The following HIVEP1 variants were observed in gnomAD, a reference collection of about 807,000 sequenced individuals.
The protein encoded by HIVEP1 is zinc finger protein 40.
Under a neutral mutation model 180.0 loss-of-function variants are expected in HIVEP1, and 36 were observed. The ratio of observed to expected loss-of-function variants is 0.20; its 90% confidence interval spans 0.15 to 0.26. HIVEP1 has a LOEUF of 0.26. HIVEP1 is among the 10% of genes least tolerant of loss of function. The probability of loss-of-function intolerance (pLI) is 1.00; values close to 1 mark genes in which losing one functional copy is unlikely to be tolerated. For missense variants in HIVEP1, 3,143 were observed against 3,268.7 expected, an observed-to-expected ratio of 0.96 and a Z score of 0.94; for synonymous variants, 1,239 against 1,239.0, an observed-to-expected ratio of 1.00 and a Z score of 0.00.
chr6:12,047,966 G>GGT (rs1443769241), intron 2 of HIVEP1, among the ~76,000 whole-genome samples: 4 of 152,212 alleles, frequency 2.6e-5, no homozygotes, highest in Non-Finnish European at 5.9e-5. Context: ...CAGTTTGCGT[G>GGT]GTTCTGGCAC....
chr6:12,185,360 C>T, the HIVEP1 span, among the ~76,000 whole-genome samples: 10 of 152,218 alleles, frequency 6.6e-5, no homozygotes, highest in African/African-American at 1.9e-4. Context: ...TGCACGGAAG[C>T]GTAGCTCTAG....
chr6:12,117,952 C>G lies in HIVEP1; in HGVS notation c.95-1938C>G, dbSNP rs185680912. Among the ~76,000 whole-genome samples the G allele has an allele frequency of 3.9e-5, 6 of 152,208 alleles. No homozygotes were observed. The East Asian group carries it at 1.2e-3, about 29-fold the overall frequency. ...CTTGCCTGATAGAGTTAATGAGAGT[C>G]AAAAAGTGCATCACTGACTTTCTTA... On this transcript the variant is annotated intron_variant, in intron 3 of 8. Transcript: ENST00000379388.
At chr6:12,088,250 G>C (rs1374745151) in intron 2 of HIVEP1, among the ~76,000 whole-genome samples, 3 of 152,012 alleles carry the variant, frequency 2.0e-5, no homozygotes, top group Non-Finnish European at 1.5e-5. Flanking sequence ...CTTCTGAGCT[G>C]ATGCGTTTAT....
chr6:12,208,628 G>C, the HIVEP1 span, among the ~76,000 whole-genome samples: 12 of 152,286 alleles, frequency 7.9e-5, no homozygotes, highest in Non-Finnish European at 1.5e-5. Context: ...AGATAATTCA[G>C]TTAAAATGGG....
rs369724526 is a variant in HIVEP1 at position 12,120,204 on chromosome 6, C to G, written c.409C>G (p.Leu137Val). The G allele has an allele frequency of 2.2e-5, 36 of 1,614,080 alleles. No homozygotes were observed. Among genetic ancestry groups the G allele is most frequent in the Non-Finnish European group, 2.9e-5 (34 of 1,180,036 alleles). The change falls in exon 4 of 9, where the codon CTG (leucine) becomes GTG (valine). Residue 137 changes from leucine to valine, a missense_variant. This residue lies in a region of HIVEP1 where 306 missense variants were observed against 310.6 expected (regional missense o/e 0.99). Coordinates refer to ENST00000379388, the MANE Select transcript of HIVEP1 (RefSeq NM_002114.4). The part of the protein sequence containing the change: ...ESVSPKKPLF[L>V]QQPSELRRWR... ...TGTCTCCCCAAAGAAGCCCTTGTTT[C>G]TGCAGCAACCATCTGAACTGCGTAG...
At chr6:12,145,390 G>T (rs1380270747) in intron 7 of HIVEP1, among the ~76,000 whole-genome samples, 1 of 151,894 alleles carries the variant, frequency 6.6e-6, no homozygotes, top group African/African-American at 2.4e-5. Flanking sequence ...CTGGGGGAGG[G>T]ATAGCATTAG....
At chr6:12,126,795 T>C (rs1177893806) in intron 4 of HIVEP1, among the ~76,000 whole-genome samples, 2 of 152,140 alleles carry the variant, frequency 1.3e-5, no homozygotes, top group East Asian at 3.8e-4. Context: ...ACTCCAAAGG[T>C]GGTGATACTT....
the HIVEP1 span, among the ~76,000 whole-genome samples, chr6:12,186,156 G>T: frequency 6.6e-6 from 1 of 151,682 alleles, no homozygotes; most frequent in Admixed American, 6.6e-5. Context: ...TCATCAACTA[G>T]TGATCAGATA....
At chr6:12,160,357 T>G (rs1240120178) in intron 7 of HIVEP1, among the ~76,000 whole-genome samples, 1 of 152,212 alleles carries the variant, frequency 6.6e-6, no homozygotes, top group African/African-American at 2.4e-5. Context: ...AGGAATGGGT[T>G]GAATCATATC....
chr6:12,203,033 T>A, the HIVEP1 span, among the ~76,000 whole-genome samples: 1 of 152,216 alleles, frequency 6.6e-6, no homozygotes, highest in Non-Finnish European at 1.5e-5. Context: ...CATTTTCAGA[T>A]GTTGAATGCA....
intron 5 of HIVEP1, 133 bp from the exon 6 acceptor site, chr6:12,130,634 A>G: frequency 1.9e-6 from 1 of 528,108 alleles, no homozygotes. Flanking sequence ...ATTCTGTTAC[A>G]CATGCATAAA....
rs1009683169 is a variant in HIVEP1, at chr6:12,090,759, T to A, written c.94+1522T>A. ...CCTTTTTTTTTTTTTTTTTTTTTTTTACATCTAGTCATGGTTTAGAGCTGC... is the reference window on the plus strand; with the variant it reads ...CCTTTTTTTTTTTTTTTTTTTTTTTAACATCTAGTCATGGTTTAGAGCTGC... On this transcript the variant is annotated intron_variant, in intron 3 of 8. Transcript: ENST00000379388. 1.2e-4 allele frequency among the ~76,000 whole-genome samples: 16 copies of A among 130,422 alleles called. No individual in the cohort carries two copies. The East Asian group carries it at 1.5e-3, about 12-fold the overall frequency. 85.6% of individuals were successfully genotyped at this position (130,422 alleles called of 152,430 possible). A position where few individuals can be genotyped will look rare whatever the true frequency, so the allele number is the denominator to read the frequency against.
chr6:12,210,065 T>C, the HIVEP1 span, among the ~76,000 whole-genome samples: 4 of 151,704 alleles, frequency 2.6e-5, no homozygotes, highest in African/African-American at 9.7e-5. Context: ...ATCGTGCCAC[T>C]GCACTCCAGT....
the HIVEP1 span, among the ~76,000 whole-genome samples, chr6:12,199,993 G>C: frequency 5.9e-5 from 9 of 152,186 alleles, no homozygotes; most frequent in African/African-American, 1.9e-4. Context: ...TTCTGATTTT[G>C]AAGTCTAGGC....
At chr6:12,202,159 A>G in the HIVEP1 span, among the ~76,000 whole-genome samples, 2 of 151,980 alleles carry the variant, frequency 1.3e-5, no homozygotes, top group African/African-American at 2.4e-5. Flanking sequence ...ATTTTATTTT[A>G]TTTATATATT....
chr6:12,132,729 A>C (rs1194094355), intron 6 of HIVEP1, among the ~76,000 whole-genome samples: 3 of 152,110 alleles, frequency 2.0e-5, no homozygotes, highest in Non-Finnish European at 4.4e-5. Flanking sequence ...TTGTTTTGTA[A>C]GATGTCATGT....
downstream of HIVEP1, among the ~76,000 whole-genome samples, chr6:12,168,877 T>C (rs1431978525): frequency 6.6e-6 from 1 of 152,160 alleles, no homozygotes; most frequent in Admixed American, 6.5e-5. Context: ...AGGTTAGATA[T>C]ATTAAATGCT....
At chr6:12,168,291 A>T (rs1273640554), downstream of HIVEP1, among the ~76,000 whole-genome samples, 276 of 72,378 alleles carry the variant, frequency 3.8e-3, 2 homozygotes, top group Non-Finnish European at 6.3e-3. Flanking sequence ...TATTATATAC[A>T]TATATACATA....
Position 12,123,406 on chromosome 6 carries a change from G to T in HIVEP1, c.3611G>T (p.Gly1204Val), listed in dbSNP as rs780401678. The T allele has an allele frequency of 1.2e-6, 2 of 1,614,164 alleles. No homozygotes were observed. Among genetic ancestry groups the T allele is most frequent in the Non-Finnish European group, 1.7e-6 (2 of 1,180,030 alleles). ...CTTGCACTATCAGACGCTCTCAGAG[G>T]AGAACTTCAGGAAAGCTCCAGAAAG... Reference protein sequence around the residue: ...HQLALSDALRGELQESSRKSP... With the variant: ...HQLALSDALRVELQESSRKSP... The change falls in exon 4 of 9, where the codon GGA becomes GTA. Residue 1204 changes from glycine (G) to valine (V), a missense_variant. Gly to Val is a moderately radical substitution (Grantham distance 109). This residue lies in a region of HIVEP1 where 1,357 missense variants were observed against 1,260.5 expected (regional missense o/e 1.08). Transcript: ENST00000379388.
Sources: allele counts gnomAD v4.1 joint callset (sites outside exome capture counted in the v4.1 genomes callset), GRCh38; gene constraint gnomAD v4.1.1; regional missense constraint gnomAD v4.1.1; transcripts MANE v1.5; gene names NCBI Gene and HGNC (gene_info 2026-07-23, HGNC 2026-07-21).